TRHDE: variants seen among roughly 807,000 people sequenced by gnomAD.
TRHDE encodes the protein thyrotropin releasing hormone degrading enzyme, also known as thyrotropin-releasing hormone-degrading ectoenzyme.
A neutral mutation model predicts 125.7 loss-of-function variants in TRHDE; 72 were observed. The observed-to-expected ratio is 0.57, with a 90% CI of 0.47 to 0.70. The LOEUF is 0.70. TRHDE is among the 30% of genes least tolerant of loss of function. The pLI is 0.00. For missense variants in TRHDE, 1,110 were observed against 1,327.1 expected, an observed-to-expected ratio of 0.84 and a Z score of 2.54; for synonymous variants, 509 against 509.1, an observed-to-expected ratio of 1.00 and a Z score of 0.00.
intron 2 of TRHDE, among the ~76,000 whole-genome samples, chr12:72,301,664 T>C (rs1316594331): frequency 1.3e-5 from 2 of 152,162 alleles, no homozygotes; most frequent in Non-Finnish European, 2.9e-5. Flanking sequence ...GAGATAACAA[T>C]GTAGATCTTG....
intron 2 of TRHDE, among the ~76,000 whole-genome samples, chr12:72,174,549 C>T (rs984129242): frequency 2.6e-5 from 4 of 152,126 alleles, no homozygotes; most frequent in Non-Finnish European, 5.9e-5. Flanking sequence ...TGTCACATCT[C>T]TTTCATTTCT....
chr12:72,612,088 C>T (rs1018088804), intron 12 of TRHDE, among the ~76,000 whole-genome samples: 12 of 152,158 alleles, frequency 7.9e-5, no homozygotes, highest in African/African-American at 2.7e-4. Flanking sequence ...CAAAGGCCCT[C>T]TGTTATTCCT....
intron 2 of TRHDE, among the ~76,000 whole-genome samples, chr12:72,293,454 G>A (rs1189820023): frequency 6.6e-6 from 1 of 152,166 alleles, no homozygotes; most frequent in East Asian, 1.9e-4. Context: ...ACTGTGGGAA[G>A]CTCAGAAATT....
chr12:72,234,997 A>G (rs1411152353), intron 2 of TRHDE, among the ~76,000 whole-genome samples: 1 of 152,196 alleles, frequency 6.6e-6, no homozygotes, highest in Non-Finnish European at 1.5e-5. Context: ...TTCACTGGTA[A>G]GGAAATTGGA....
chr12:72,568,351 T>C (rs1032332), intron 9 of TRHDE, among the ~76,000 whole-genome samples: 40,459 of 151,968 alleles, frequency 0.27, 8,129 homozygotes, highest in African/African-American at 0.54. Context: ...TCTCTTTGCA[T>C]TGCAATTAAA....
intron 5 of TRHDE, among the ~76,000 whole-genome samples, chr12:72,483,262 A>G (rs1431832129): frequency 6.6e-6 from 1 of 151,904 alleles, no homozygotes; most frequent in Non-Finnish European, 1.5e-5. Context: ...GAGTTAGAGT[A>G]ATGAATGCTA....
At chr12:72,521,884 C>T (rs1194815566) in intron 6 of TRHDE, among the ~76,000 whole-genome samples, 1 of 132,306 alleles carries the variant, frequency 7.6e-6, no homozygotes, top group Non-Finnish European at 1.7e-5. Context: ...TAAGTGCTGT[C>T]TAATGCCTAA....
intron 2 of TRHDE, chr12:72,186,100 T>A (rs1877201948): frequency 6.6e-6 from 1 of 152,400 alleles, no homozygotes; most frequent in African/African-American, 2.4e-5. Flanking sequence ...CCAGTTGGGG[T>A]CCCCTTCCAC....
At chr12:72,642,624 C>A (rs1277609373) in intron 15 of TRHDE, among the ~76,000 whole-genome samples, 1 of 151,920 alleles carries the variant, frequency 6.6e-6, no homozygotes, top group Admixed American at 6.6e-5. Flanking sequence ...GTATACCGTA[C>A]CTAGAGAAAA....
chr12:72,501,142 G>T (rs1033853208), intron 6 of TRHDE, among the ~76,000 whole-genome samples: 7 of 151,514 alleles, frequency 4.6e-5, no homozygotes, highest in African/African-American at 1.5e-4. Flanking sequence ...CTGGGCTATT[G>T]TAAATAGTAT....
intron 2 of TRHDE, among the ~76,000 whole-genome samples, chr12:72,218,166 C>T (rs924179547): frequency 6.6e-6 from 1 of 152,060 alleles, no homozygotes; most frequent in Admixed American, 6.6e-5. Flanking sequence ...TGTGAAGTTA[C>T]TTTCCATATG....
Position 72,286,147 on chromosome 12 carries a change from G to A in TRHDE, c.915-534G>A, listed in dbSNP as rs114120225. 3.2e-3 allele frequency among the ~76,000 whole-genome samples: 484 copies of A among 152,296 alleles called. 1 individual carries two copies. Among genetic ancestry groups the A allele is most frequent in the Middle Eastern group, 0.014 (4 of 294 alleles). On this transcript the variant is annotated intron_variant, in intron 1 of 18. Coordinates refer to ENST00000261180, the MANE Select transcript of TRHDE (RefSeq NM_013381.3). Reference sequence around the variant, plus strand: ...AAGGTGGCATAGCTAAGAAAGTTGTGGAGCCAGAATTCAGACCAGAATTTA... The same window carrying A: ...AAGGTGGCATAGCTAAGAAAGTTGTAGAGCCAGAATTCAGACCAGAATTTA...
chr12:72,250,373 T>C (rs1878654416), intron 2 of TRHDE, among the ~76,000 whole-genome samples: 2 of 152,214 alleles, frequency 1.3e-5, no homozygotes, highest in Non-Finnish European at 2.9e-5. Context: ...CAGTTCTGGC[T>C]GAACACTACG....
At chr12:72,512,774 A>G (rs1297494050) in intron 6 of TRHDE, among the ~76,000 whole-genome samples, 4 of 150,862 alleles carry the variant, frequency 2.7e-5, no homozygotes, top group South Asian at 4.1e-4. Context: ...AACTATAATC[A>G]AGGGTTGACA....
chr12:72,398,259 G>T (rs1218452270), intron 3 of TRHDE, among the ~76,000 whole-genome samples: 1 of 151,952 alleles, frequency 6.6e-6, no homozygotes, highest in Non-Finnish European at 1.5e-5. Context: ...TTGGTTCCAA[G>T]TCTTTGCTAT....
At chr12:72,187,353 ACACACACACG>A (rs1776479145) in intron 2 of TRHDE, among the ~76,000 whole-genome samples, 1 of 147,898 alleles carries the variant, frequency 6.8e-6, no homozygotes, top group Admixed American at 6.9e-5. Context: ...ACACACACAC[ACACACACACG>A]AAGTCTCTAT....
In TRHDE at chr12:72,542,345, A is replaced by G; in HGVS notation, c.1777A>G (p.Arg593Gly). ...TTTTATGGGCCATTCAGTTTTCCAGAGGGGTTTGCAAGTAAGTAAAATGCT... is the reference window on the plus strand; with the variant it reads ...TTTTATGGGCCATTCAGTTTTCCAGGGGGGTTTGCAAGTAAGTAAAATGCT... ...ANFMGHSVFQ[R>G]GLQDYLTIHK... Residue 593 changes from arginine (R) to glycine (G), a missense_variant, in exon 7 of 19, where the codon AGG becomes GGG. Arg to Gly is a moderately radical substitution (Grantham distance 125, BLOSUM62 -2). Around this residue, in one of 5 missense-constraint regions of TRHDE, gnomAD observed 527 missense variants for 651.8 expected, o/e 0.81. Coordinates refer to ENST00000261180, the MANE Select transcript of TRHDE (RefSeq NM_013381.3). 6.2e-7 allele frequency: 1 copy of G among 1,604,204 alleles called. No homozygotes were observed. Among genetic ancestry groups the G allele is most frequent in the Non-Finnish European group, 8.5e-7 (1 of 1,173,898 alleles).
chr12:72,104,943 C>A (rs1466831963), intron 1 of TRHDE, among the ~76,000 whole-genome samples: 5 of 152,152 alleles, frequency 3.3e-5, no homozygotes, highest in Non-Finnish European at 5.9e-5. Context: ...CTCATGCTAG[C>A]TTTTCCATAG....
Position 72,319,202 on chromosome 12 carries a change from A to C in TRHDE, c.1188+32248A>C, listed in dbSNP as rs540099917. On this transcript the variant is annotated intron_variant, in intron 2 of 18. Transcript: ENST00000261180. Reference sequence around the variant, plus strand: ...AGGACTGAAGCTCAGGAGAAAGGTCAAGTGCTGTAGCCTTCGTTGCTTTCT... The same window carrying C: ...AGGACTGAAGCTCAGGAGAAAGGTCCAGTGCTGTAGCCTTCGTTGCTTTCT... Among the ~76,000 whole-genome samples, 5 of 152,292 alleles carry C rather than the reference A, an allele frequency of 3.3e-5. No individual in the cohort carries two copies. The South Asian group carries it at 1.0e-3, about 32-fold the overall frequency.
Sources: allele counts gnomAD v4.1 joint callset (sites outside exome capture counted in the v4.1 genomes callset), GRCh38; gene constraint gnomAD v4.1.1; regional missense constraint gnomAD v4.1.1; transcripts MANE v1.5; gene names NCBI Gene and HGNC (gene_info 2026-07-23, HGNC 2026-07-21).